PAK5: variants seen among roughly 807,000 people sequenced by gnomAD.
PAK5 encodes p21 (RAC1) activated kinase 5, also known as serine/threonine-protein kinase PAK 5.
In PAK5, 16 loss-of-function variants were observed where a neutral mutation model predicts 65.9. The ratio of observed to expected loss-of-function variants is 0.24; its 90% confidence interval spans 0.16 to 0.37. The LOEUF (loss-of-function observed/expected upper bound fraction) is 0.37, where lower values mean the gene tolerates loss of function less well. PAK5 is among the 10% of genes least tolerant of loss of function. The pLI is 1.00. For missense variants in PAK5, 785 were observed against 903.9 expected, an observed-to-expected ratio of 0.87 and a Z score of 1.69; for synonymous variants, 371 against 354.9, an observed-to-expected ratio of 1.05 and a Z score of -0.51.
At chr20:9,654,694 G>C (rs1345915251) in intron 2 of PAK5, among the ~76,000 whole-genome samples, 2 of 152,014 alleles carry the variant, frequency 1.3e-5, no homozygotes, top group East Asian at 1.9e-4. Flanking sequence ...AGCTTACAAG[G>C]CTCCTGGGGA....
At chr20:9,834,257 CAT>C (rs1237114193) in intron 1 of PAK5, among the ~76,000 whole-genome samples, 2 of 152,130 alleles carry the variant, frequency 1.3e-5, no homozygotes, top group African/African-American at 4.8e-5. Flanking sequence ...TAAAACATAA[CAT>C]GTGTTCCTCT....
intron 2 of PAK5, among the ~76,000 whole-genome samples, chr20:9,687,563 G>A (rs1442469440): frequency 1.3e-5 from 2 of 152,092 alleles, no homozygotes; most frequent in African/African-American, 4.8e-5. Context: ...GGTATTAACT[G>A]GGTCAGAGTT....
intron 1 of PAK5, among the ~76,000 whole-genome samples, chr20:9,760,709 T>A (rs1282479759): frequency 1.3e-5 from 2 of 149,666 alleles, no homozygotes; most frequent in Admixed American, 6.7e-5. Context: ...TATTACTTTG[T>A]CACTCAGGCT....
chr20:9,699,432 T>G (rs1439701307), intron 2 of PAK5, among the ~76,000 whole-genome samples: 1 of 152,038 alleles, frequency 6.6e-6, no homozygotes, highest in Non-Finnish European at 1.5e-5. Flanking sequence ...GAAACACCAG[T>G]TCCTAGTAGT....
At chr20:9,803,564 C>CCTTTGAAATAAATGTA (rs2049197352) in intron 1 of PAK5, among the ~76,000 whole-genome samples, 2 of 152,120 alleles carry the variant, frequency 1.3e-5, no homozygotes, top group Non-Finnish European at 2.9e-5. Flanking sequence ...TCTAAACAAA[C>CCTTTGAAATAAATGTA]CTTTGAAATA....
intron 1 of PAK5, among the ~76,000 whole-genome samples, chr20:9,834,622 T>C (rs558710569): frequency 1.4e-3 from 216 of 152,156 alleles, no homozygotes; most frequent in Non-Finnish European, 2.6e-3. Flanking sequence ...CAGATCAGAA[T>C]AATAATACCA....
intron 1 of PAK5, among the ~76,000 whole-genome samples, chr20:9,713,125 A>C (rs528299312): frequency 6.6e-6 from 1 of 152,274 alleles, no homozygotes; most frequent in South Asian, 2.1e-4. Flanking sequence ...CCATCTGACA[A>C]GAGGTTAATA....
In PAK5 at chr20:9,580,604, G is replaced by T. The variant is rs2045961679; in HGVS notation, c.531C>A (p.His177Gln). 6.2e-7 allele frequency: 1 copy of T among 1,613,948 alleles called. No individual in the cohort carries two copies. Among genetic ancestry groups the T allele is most frequent in the Non-Finnish European group, 8.5e-7 (1 of 1,179,942 alleles). Residue 177 changes from histidine (H) to glutamine (Q), a missense_variant, in exon 4 of 10, where the codon CAC becomes CAA. Transcript: ENST00000353224. ...KQNGHVMKMKHGEAYYSEVKP... is the reference protein window; with the variant it reads ...KQNGHVMKMKQGEAYYSEVKP... Reference sequence around the variant, plus strand: ...TCACCTCAGAATAGTAGGCCTCCCCGTGCTTCATTTTCATTACGTGCCCAT... The same window carrying T: ...TCACCTCAGAATAGTAGGCCTCCCCTTGCTTCATTTTCATTACGTGCCCAT...
At chr20:9,669,356 T>C (rs564241297) in intron 2 of PAK5, among the ~76,000 whole-genome samples, 11 of 152,322 alleles carry the variant, frequency 7.2e-5, no homozygotes, top group Non-Finnish European at 1.6e-4. Flanking sequence ...CTTCTAGAAA[T>C]ATCTTAAAGA....
chr20:9,601,481 A>G (rs1313275392), intron 3 of PAK5, among the ~76,000 whole-genome samples: 1 of 152,190 alleles, frequency 6.6e-6, no homozygotes, highest in Admixed American at 6.5e-5. Flanking sequence ...TATTATTATT[A>G]CACCTCATCT....
At chr20:9,705,157 A>G (rs1425396100) in intron 2 of PAK5, among the ~76,000 whole-genome samples, 1 of 152,218 alleles carries the variant, frequency 6.6e-6, no homozygotes, top group African/African-American at 2.4e-5. Context: ...CCAAAATGCC[A>G]TCACTGCTGC....
intron 3 of PAK5, among the ~76,000 whole-genome samples, chr20:9,602,539 C>T (rs2046380594): frequency 1.3e-5 from 2 of 152,088 alleles, no homozygotes; most frequent in African/African-American, 2.4e-5. Context: ...CAGGCTGATT[C>T]GTCAGTCAGT....
chr20:9,568,577 T>C (rs570258275), intron 4 of PAK5, among the ~76,000 whole-genome samples: 2 of 152,318 alleles, frequency 1.3e-5, no homozygotes, highest in South Asian at 4.1e-4. Context: ...ATCTGTGTGA[T>C]CAAAGAAAAA....
chr20:9,800,220 C>T (rs16996420), intron 1 of PAK5, among the ~76,000 whole-genome samples: 8,715 of 152,094 alleles, frequency 0.057, 353 homozygotes, highest in South Asian at 0.19. Flanking sequence ...AGATTCATGA[C>T]GCTTTGAGGA....
At chr20:9,699,295 C>T (rs1335565963) in intron 2 of PAK5, among the ~76,000 whole-genome samples, 1 of 152,086 alleles carries the variant, frequency 6.6e-6, no homozygotes, top group African/African-American at 2.4e-5. Flanking sequence ...TTCTCCTTGT[C>T]TCACTTTCTG....
chr20:9,671,909 T>C (rs1379421841), intron 2 of PAK5, among the ~76,000 whole-genome samples: 1 of 152,124 alleles, frequency 6.6e-6, no homozygotes, highest in Non-Finnish European at 1.5e-5. Flanking sequence ...TACCCCTGAC[T>C]TTAAAATAGG....
rs1267027537 is a variant in PAK5, at chr20:9,539,085, TTTC to T, written c.*374_*376del. 20 of 223,570 alleles carry T rather than the reference TTTC, an allele frequency of 8.9e-5. No homozygotes were observed. Among genetic ancestry groups the T allele is most frequent in the Middle Eastern group, 1.3e-3 (1 of 786 alleles). 13.8% of individuals were successfully genotyped at this position (223,570 alleles called of 1,614,324 possible). On this transcript the variant is annotated 3_prime_UTR_variant, in exon 10 of 10. Transcript: ENST00000353224. ...AAAAAGTGCTTTTTGTTTTCCTTTC[TTTC>T]TTTTTTTTTTTTTTTTGCCAGAAAA...
intron 1 of PAK5, among the ~76,000 whole-genome samples, chr20:9,812,652 C>T (rs1237016213): frequency 6.6e-6 from 1 of 152,072 alleles, no homozygotes; most frequent in Non-Finnish European, 1.5e-5. Context: ...AGCATCATTT[C>T]TAATAGGCAA....
chr20:9,711,640 C>A (rs1231710365), intron 1 of PAK5, among the ~76,000 whole-genome samples: 1 of 152,128 alleles, frequency 6.6e-6, no homozygotes, highest in Non-Finnish European at 1.5e-5. Context: ...CCTCTTAGTA[C>A]CTTGGCTGCT....
Sources: gnomAD v4.1 joint callset for allele counts (sites outside exome capture counted in the v4.1 genomes callset) on GRCh38, gnomAD v4.1.1 for gene constraint, MANE v1.5 for transcripts, NCBI Gene and HGNC (gene_info 2026-07-23, HGNC 2026-07-21) for gene names.